MYH10: variants seen among roughly 807,000 people sequenced by gnomAD.
MYH10 encodes myosin-10.
A neutral mutation model predicts 257.8 loss-of-function variants in MYH10; 55 were observed. That is an observed-to-expected ratio of 0.21 (90% CI 0.17 to 0.27). MYH10 has a LOEUF of 0.27. Among genes scored for constraint, MYH10 ranks in the 10% least tolerant of loss-of-function variants. MYH10 has a pLI of 1.00. For synonymous variants in MYH10, 854 were observed against 921.7 expected, an observed-to-expected ratio of 0.93 and a Z score of 1.33; for missense variants, 1,631 against 2,500.6, an observed-to-expected ratio of 0.65 and a Z score of 7.42.
intron 7 of MYH10, among the ~76,000 whole-genome samples, chr17:8,558,398 G>T (rs2082876393): frequency 6.6e-6 from 1 of 152,062 alleles, no homozygotes; most frequent in Admixed American, 6.5e-5. Flanking sequence ...AGTGCCAGCC[G>T]AGCCTACCAA....
In MYH10 at chr17:8,564,175, G is replaced by A. The variant is rs950981594; in HGVS notation, c.756+5545C>T. On this transcript the variant is annotated intron_variant, in intron 7 of 42. Coordinates refer to ENST00000360416, the MANE Select transcript of MYH10 (RefSeq NM_001256012.3). ...TAAGGGTAATGCTCTCCTAAATAAA[G>A]AATCCCTTTAATATAAACCATATGC... Among the ~76,000 whole-genome samples the A allele has an allele frequency of 9.2e-5, 14 of 152,300 alleles. 4 individuals carry two copies.
chr17:8,620,743 C>T (rs2085434402), intron 2 of MYH10, among the ~76,000 whole-genome samples: 2 of 152,192 alleles, frequency 1.3e-5, no homozygotes, highest in Non-Finnish European at 2.9e-5. Flanking sequence ...ACGACACAGA[C>T]TTCTTTGGAG....
chr17:8,484,018 A>G (rs1914322869), intron 37 of MYH10, 120 bp downstream of exon 37: 1 of 997,122 alleles, frequency 1.0e-6, no homozygotes, highest in Non-Finnish European at 1.4e-6. Flanking sequence ...TAAAAAAATA[A>G]AAAACAAAAA....
chr17:8,578,981 T>C (rs967870206), intron 4 of MYH10, among the ~76,000 whole-genome samples: 7 of 152,154 alleles, frequency 4.6e-5, no homozygotes, highest in African/African-American at 1.4e-4. Context: ...TTCTTGGAAT[T>C]GTACTTAGAA....
chr17:8,569,815 A>G lies in MYH10; in HGVS notation c.664-3T>C. 1 of 1,603,474 alleles carries G rather than the reference A, an allele frequency of 6.2e-7. No individual in the cohort carries two copies. The highest frequency in any genetic ancestry group is 1.3e-5 in the African/African-American group (1 of 74,786). ...AAAAGCTGCCGTTCAAGTTCCCCCTAAAAGACATTACACACACACAAATAA... is the reference window on the plus strand; with the variant it reads ...AAAAGCTGCCGTTCAAGTTCCCCCTGAAAGACATTACACACACACAAATAA... On this transcript the variant is annotated splice_polypyrimidine_tract_variant and splice_region_variant and intron_variant, in intron 6 of 42. Transcript: ENST00000360416. This position sits in a 1 kb window ranked among gnomAD's most constrained non-coding sequence, Gnocchi z 4.1.
intron 2 of MYH10, among the ~76,000 whole-genome samples, chr17:8,622,251 T>C (rs1393395027): frequency 6.6e-6 from 1 of 152,236 alleles, no homozygotes; most frequent in Non-Finnish European, 1.5e-5. Context: ...TTTTAGTATC[T>C]GGCTTACATT....
chr17:8,498,630 G>A (rs189934065), intron 30 of MYH10, among the ~76,000 whole-genome samples: 104 of 152,064 alleles, frequency 6.8e-4, no homozygotes, highest in Admixed American at 2.4e-3. Context: ...GGCGGATCAC[G>A]AGGTCAGGAG....
At chr17:8,514,021 G>T in intron 21 of MYH10, 127 bp from the exon 22 acceptor site, 1 of 844,424 alleles carries the variant, frequency 1.2e-6, no homozygotes, top group South Asian at 1.7e-5. Flanking sequence ...CATCAATCAA[G>T]TCCTGGGTGA....
At chr17:8,530,907 A>G (rs1254482334) in intron 16 of MYH10, among the ~76,000 whole-genome samples, 1 of 152,218 alleles carries the variant, frequency 6.6e-6, no homozygotes, top group Non-Finnish European at 1.5e-5. Context: ...GCACATTCCC[A>G]ACTCCCGGTG....
chr17:8,629,079 C>T (rs916212115), intron 1 of MYH10, among the ~76,000 whole-genome samples: 1 of 152,040 alleles, frequency 6.6e-6, no homozygotes, highest in Non-Finnish European at 1.5e-5. Context: ...CATACTTAAA[C>T]ATCAAAAGCA....
In MYH10 at chr17:8,493,114, C is replaced by G. The variant is rs773146188; in HGVS notation, c.4210-90G>C. ...GTGGCTCACGCCTGTAATCCCAGCACTTTGGGAGGCCGAGGCGGCAGGATC... is the reference window on the plus strand; with the variant it reads ...GTGGCTCACGCCTGTAATCCCAGCAGTTTGGGAGGCCGAGGCGGCAGGATC... On this transcript the variant is annotated intron_variant, in intron 32 of 42. Transcript: ENST00000360416. 4.9e-6 allele frequency: 7 copies of G among 1,435,492 alleles called. No individual in the cohort carries two copies. The Admixed American group carries it at 6.6e-5, about 13-fold the overall frequency. The allele number at this position is 1,435,492 out of a possible 1,614,324, so 88.9% of individuals were successfully genotyped here. A position where few individuals can be genotyped will look rare whatever the true frequency, so the allele number is the denominator to read the frequency against.
chr17:8,517,707 G>A (rs1360770897), intron 21 of MYH10, among the ~76,000 whole-genome samples: 1 of 152,164 alleles, frequency 6.6e-6, no homozygotes, highest in African/African-American at 2.4e-5. Context: ...AATTCTCAAT[G>A]GATTCTGCCT....
chr17:8,481,196 G>A (rs1913726527), intron 38 of MYH10, 126 bp downstream of exon 38: 3 of 883,704 alleles, frequency 3.4e-6, no homozygotes, highest in Non-Finnish European at 1.8e-6. Context: ...CATGGCTGAG[G>A]CAGCCCAGGC....
intron 24 of MYH10, 78 bp from the exon 25 acceptor site, chr17:8,510,027 CAAT>C: frequency 1.5e-6 from 2 of 1,331,678 alleles, no homozygotes; most frequent in Non-Finnish European, 2.0e-6. Flanking sequence ...GAATGCATTA[CAAT>C]GAGATACTAA....
At chr17:8,499,868 G>A (rs570796023) in intron 29 of MYH10, among the ~76,000 whole-genome samples, 2 of 152,198 alleles carry the variant, frequency 1.3e-5, no homozygotes, top group Non-Finnish European at 2.9e-5. Flanking sequence ...ACAACAGGAT[G>A]TATCTCCAAT....
At chr17:8,497,421 G>T (rs1170458119) in intron 30 of MYH10, among the ~76,000 whole-genome samples, 2 of 151,270 alleles carry the variant, frequency 1.3e-5, no homozygotes, top group Middle Eastern at 3.2e-3. Context: ...TCCATCTGTG[G>T]ATTCAACCAA....
chr17:8,546,570 CAT>C lies in MYH10; in HGVS notation c.1250_1251del (p.Tyr417CysfsTer23). The C allele has an allele frequency of 1.2e-6, 2 of 1,614,000 alleles. No homozygotes were observed. Among genetic ancestry groups the C allele is most frequent in the Non-Finnish European group, 1.7e-6 (2 of 1,179,946 alleles). ...TGTTCTTTGGTCTGGGCTTTTTGCA[CAT>C]AGTCTCGGCCGACCTTGATCCGGGG... ...LTPRIKVGRD[Y>X]VQKAQTKEQA... is the part of the protein sequence containing the mutation. On this transcript the variant is annotated frameshift_variant, in exon 12 of 43. Transcript: ENST00000360416. LOFTEE classifies it high-confidence loss of function.
chr17:8,510,866 G>A (rs1329629486), intron 24 of MYH10, among the ~76,000 whole-genome samples: 1 of 151,888 alleles, frequency 6.6e-6, no homozygotes, highest in Non-Finnish European at 1.5e-5. Context: ...GAGTTTACAT[G>A]TATTTTTATT....
intron 3 of MYH10, among the ~76,000 whole-genome samples, chr17:8,589,346 C>T (rs987870363): frequency 5.9e-5 from 9 of 152,168 alleles, no homozygotes; most frequent in African/African-American, 2.2e-4. Flanking sequence ...GCTTATTCCA[C>T]ACATCGTTTG....
Sources: gnomAD v4.1 joint callset for allele counts (sites outside exome capture counted in the v4.1 genomes callset) on GRCh38, gnomAD v4.1.1 for gene constraint, Gnocchi (gnomAD v3.1) non-coding constraint, MANE v1.5 for transcripts, NCBI Gene and HGNC (gene_info 2026-07-23, HGNC 2026-07-21) for gene names.